PIK3CB: variants seen among roughly 807,000 people sequenced by gnomAD.
The protein encoded by PIK3CB is phosphatidylinositol-4,5-bisphosphate 3-kinase catalytic subunit beta.
Under a neutral mutation model 136.8 loss-of-function variants are expected in PIK3CB, and 39 were observed. That is an observed-to-expected ratio of 0.29 (90% CI 0.22 to 0.37). PIK3CB has a LOEUF of 0.37. Among genes scored for constraint, PIK3CB ranks in the 10% least tolerant of loss-of-function variants. PIK3CB has a pLI of 1.00. For synonymous variants in PIK3CB, 428 were observed against 436.6 expected, an observed-to-expected ratio of 0.98 and a Z score of 0.25; for missense variants, 868 against 1,275.4, an observed-to-expected ratio of 0.68 and a Z score of 4.87.
chr3:138,731,537 G>C (rs886315236), intron 8 of PIK3CB, among the ~76,000 whole-genome samples: 1 of 151,732 alleles, frequency 6.6e-6, no homozygotes, highest in Non-Finnish European at 1.5e-5. Flanking sequence ...ACAGGTGTGA[G>C]CTACCACGCC....
At chr3:138,746,954 T>C (rs1354400237) in intron 4 of PIK3CB, among the ~76,000 whole-genome samples, 1 of 148,744 alleles carries the variant, frequency 6.7e-6, no homozygotes, top group African/African-American at 2.5e-5. Context: ...ATGAATTTGT[T>C]TTTTCACAAT....
At chr3:138,830,127 AG>A (rs1410948677) in intron 1 of PIK3CB, among the ~76,000 whole-genome samples, 1 of 152,190 alleles carries the variant, frequency 6.6e-6, no homozygotes, top group Non-Finnish European at 1.5e-5. Flanking sequence ...GAGAAGGAAA[AG>A]TCAAAGAGAG....
intron 1 of PIK3CB, among the ~76,000 whole-genome samples, chr3:138,806,031 T>C (rs1473676524): frequency 6.6e-6 from 1 of 151,122 alleles, no homozygotes; most frequent in Non-Finnish European, 1.5e-5. Flanking sequence ...CCCGGCCCCA[T>C]CTTCCCATTT....
At chr3:138,669,589 G>T (rs570958042) in intron 19 of PIK3CB, among the ~76,000 whole-genome samples, 15 of 152,218 alleles carry the variant, frequency 9.9e-5, no homozygotes, top group Non-Finnish European at 1.8e-4. Context: ...TTTATATGTA[G>T]CCAGCCTATA....
intron 3 of PIK3CB, 21 bp from the exon 4 acceptor site, chr3:138,756,000 T>C (rs1224742749): frequency 7.3e-7 from 1 of 1,361,132 alleles, no homozygotes; most frequent in Non-Finnish European, 1.0e-6. Flanking sequence ...AAATAAGACA[T>C]TTTCTGGAAT....
intron 1 of PIK3CB, among the ~76,000 whole-genome samples, chr3:138,821,117 T>A (rs1316532393): frequency 2.0e-5 from 3 of 148,790 alleles, no homozygotes; most frequent in Admixed American, 6.8e-5. Context: ...AAACCCCGTC[T>A]GTACTAAAAA....
intron 8 of PIK3CB, among the ~76,000 whole-genome samples, chr3:138,732,622 C>T (rs1293860520): frequency 2.6e-5 from 4 of 151,722 alleles, no homozygotes; most frequent in African/African-American, 9.7e-5. Flanking sequence ...CAATAAACCC[C>T]CATGTGTTAA....
At chr3:138,792,270 TTTTTCTATTGTCA>T (rs1405422337) in intron 2 of PIK3CB, among the ~76,000 whole-genome samples, 1 of 151,888 alleles carries the variant, frequency 6.6e-6, no homozygotes, top group Admixed American at 6.6e-5. Flanking sequence ...TGTACAGACT[TTTTTCTATTGTCA>T]TTATTCCCTA....
At chr3:138,782,243 C>T (rs941493547) in intron 2 of PIK3CB, among the ~76,000 whole-genome samples, 10 of 152,286 alleles carry the variant, frequency 6.6e-5, no homozygotes, top group African/African-American at 1.9e-4. Flanking sequence ...AGTTTGTACT[C>T]GGGCCTGGAT....
At position 138,755,889 on chromosome 3, in the gene PIK3CB, C is replaced by A. The variant is rs1576392661; in HGVS notation, c.262G>T (p.Val88Leu). 6.2e-7 allele frequency: 1 copy of A among 1,611,672 alleles called. No homozygotes were observed. Among genetic ancestry groups the A allele is most frequent in the African/African-American group, 1.3e-5 (1 of 74,980 alleles). Residue 88 changes from valine (V) to leucine (L), a missense_variant, in exon 4 of 24, where the codon GTA becomes TTA. Coordinates refer to ENST00000674063, the MANE Select transcript of PIK3CB (RefSeq NM_006219.3). ...GTTTCATCTTCAAGCTCCTCATATA[C>A]AGCAGTCTGATTCACACATGCAAAC... ...YMFACVNQTA[V>L]YEELEDETRR... is the part of the protein sequence containing the mutation.
At position 138,733,355 on chromosome 3, in the gene PIK3CB, A is replaced by T; in HGVS notation, c.1050+6T>A. On this transcript the variant is annotated splice_donor_region_variant and intron_variant, in intron 8 of 23. Coordinates refer to ENST00000674063, the MANE Select transcript of PIK3CB (RefSeq NM_006219.3). ...ATGGCAAATTCAAATCTTAGTGGGT[A>T]CTCACTTTTACAGTTTCCTCTGTGT... 1 of 1,398,068 alleles carries T rather than the reference A, an allele frequency of 7.2e-7. No homozygotes were observed. Among genetic ancestry groups the T allele is most frequent in the Non-Finnish European group, 1.0e-6 (1 of 993,048 alleles). The allele number at this position is 1,398,068 out of a possible 1,614,324, so 86.6% of individuals were successfully genotyped here.
At chr3:138,738,852 CA>C (rs1362597947) in intron 5 of PIK3CB, among the ~76,000 whole-genome samples, 1 of 152,176 alleles carries the variant, frequency 6.6e-6, no homozygotes, top group African/African-American at 2.4e-5. Context: ...ACATCAATTC[CA>C]TAATATTTTC....
At chr3:138,664,405 T>G (rs1410534262) in intron 20 of PIK3CB, among the ~76,000 whole-genome samples, 1 of 152,162 alleles carries the variant, frequency 6.6e-6, no homozygotes, top group Non-Finnish European at 1.5e-5. Context: ...ATTTCATGTT[T>G]AAGAGTTAAG....
chr3:138,739,693 G>C (rs965963846), intron 5 of PIK3CB, among the ~76,000 whole-genome samples: 1 of 150,608 alleles, frequency 6.6e-6, no homozygotes, highest in Non-Finnish European at 1.5e-5. Context: ...TTAAGCTCAG[G>C]AGCTCAAGAC....
intron 1 of PIK3CB, chr3:138,825,342 A>G (rs1933736302): frequency 1.9e-6 from 1 of 522,888 alleles, no homozygotes; most frequent in African/African-American, 1.9e-5. Flanking sequence ...AAATGGGCAG[A>G]CCTGTCAGCA....
rs190499452 is a variant in PIK3CB at position 138,728,248 on chromosome 3, G to A, written c.1050+5113C>T. The stretch of plus-strand genomic sequence containing the variant: ...TATTTTCTGAACGTAAACTTGTTCA[G>A]AAAATAGAGAAGGCTTCTCACCTCA... On this transcript the variant is annotated intron_variant, in intron 8 of 23. Transcript: ENST00000674063. Among the ~76,000 whole-genome samples, 142 of 152,244 alleles carry A rather than the reference G, an allele frequency of 9.3e-4. No homozygotes were observed. In the South Asian group the frequency reaches 0.011, roughly 12 times the overall value.
intron 6 of PIK3CB, among the ~76,000 whole-genome samples, chr3:138,737,127 G>A (rs1371866280): frequency 6.6e-6 from 1 of 151,974 alleles, no homozygotes; most frequent in East Asian, 1.9e-4. Context: ...AGTGGCTTAT[G>A]GCTGTAATCT....
At chr3:138,716,589 T>C (rs530260467) in intron 8 of PIK3CB, among the ~76,000 whole-genome samples, 2 of 152,064 alleles carry the variant, frequency 1.3e-5, no homozygotes, top group African/African-American at 2.4e-5. Context: ...AATACTATAC[T>C]ATAGCAAAAT....
At chr3:138,730,890 C>A (rs548036146) in intron 8 of PIK3CB, among the ~76,000 whole-genome samples, 1 of 152,174 alleles carries the variant, frequency 6.6e-6, no homozygotes, top group Non-Finnish European at 1.5e-5. Context: ...TATGATCATG[C>A]CACTCAACTA....
Sources: allele counts gnomAD v4.1 joint callset (sites outside exome capture counted in the v4.1 genomes callset), GRCh38; gene constraint gnomAD v4.1.1; transcripts MANE v1.5; gene names NCBI Gene and HGNC (gene_info 2026-07-23, HGNC 2026-07-21).